The following NPHP1 variants were observed in gnomAD, a reference collection of about 807,000 sequenced individuals.
NPHP1 encodes nephrocystin 1.
A neutral mutation model predicts 90.4 loss-of-function variants in NPHP1; 70 were observed. The ratio of observed to expected loss-of-function variants is 0.77; its 90% CI spans 0.64 to 0.95. The LOEUF is 0.95. NPHP1 is among the 40% of genes least tolerant of loss of function. The pLI is 0.00. For synonymous variants in NPHP1, 256 were observed against 271.7 expected, an observed-to-expected ratio of 0.94 and a Z score of 0.57; for missense variants, 764 against 795.9, an observed-to-expected ratio of 0.96 and a Z score of 0.48.
chr2:110,187,715 A>G (rs1328529557), intron 2 of NPHP1, among the ~76,000 whole-genome samples: 1 of 152,118 alleles, frequency 6.6e-6, no homozygotes, highest in Non-Finnish European at 1.5e-5. Flanking sequence ...TACAGCAAAA[A>G]CAGAAAACTT....
In NPHP1 at chr2:110,191,034, C is replaced by T. The variant is rs185497667; in HGVS notation, c.143+10387G>A. On this transcript the variant is annotated intron_variant, in intron 2 of 19. Transcript: ENST00000445609. The stretch of plus-strand genomic sequence containing the variant: ...TGCAGAGAAAAAGGAACACTTGGGG[C>T]GGTTCCAAGATGGCCAAATACGAAC... Among the ~76,000 whole-genome samples the T allele has an allele frequency of 5.1e-4, 78 of 152,120 alleles. 1 individual carries two copies. Among genetic ancestry groups the T allele is most frequent in the African/African-American group, 1.7e-3 (72 of 41,516 alleles).
At chr2:110,180,950 C>T (rs1013707326) in intron 2 of NPHP1, among the ~76,000 whole-genome samples, 1 of 152,166 alleles carries the variant, frequency 6.6e-6, no homozygotes, top group African/African-American at 2.4e-5. Context: ...ACTCTGGCCC[C>T]AAGATCCCCA....
intron 15 of NPHP1, 147 bp from the exon 16 acceptor site, chr2:110,143,788 G>A (rs899705891): frequency 1.5e-6 from 1 of 658,744 alleles, no homozygotes; most frequent in Non-Finnish European, 2.7e-6. Flanking sequence ...TAAATGAGCT[G>A]AGAGACCTCC....
intron 16 of NPHP1, among the ~76,000 whole-genome samples, chr2:110,136,592 A>G (rs1680222132): frequency 6.6e-6 from 1 of 152,116 alleles, no homozygotes; most frequent in Non-Finnish European, 1.5e-5. Context: ...AAGAGAATAA[A>G]ATACCTAGGA....
chr2:110,161,608 C>T lies in NPHP1; in HGVS notation c.949G>A (p.Gly317Ser), dbSNP rs1212929849. The T allele has an allele frequency of 2.5e-6, 4 of 1,602,100 alleles. No individual in the cohort carries two copies. The highest frequency in any genetic ancestry group is 1.3e-5 in the African/African-American group (1 of 74,712). The change falls in exon 10 of 20, where the codon GGC becomes AGC. Residue 317 changes from glycine (G) to serine (S), a missense_variant. By Grantham distance (56) the Gly-to-Ser change is moderately conservative. Coordinates refer to ENST00000445609, the MANE Select transcript of NPHP1 (RefSeq NM_001128178.3). ...FRDLMWDATE[G>S]TIRSRPSRIS... ...CTGATAGTAACTATACTTACAGTGC[C>T]TTCTGTAGCATCCCACATCAGATCT...
intron 2 of NPHP1, among the ~76,000 whole-genome samples, chr2:110,191,441 C>G (rs1684726819): frequency 6.6e-6 from 1 of 152,218 alleles, no homozygotes; most frequent in South Asian, 2.1e-4. Flanking sequence ...TGAGATCAAA[C>G]TGCAAGGCAG....
intron 18 of NPHP1, 120 bp from the exon 19 acceptor site, chr2:110,125,801 T>C (rs1201802239): frequency 3.6e-6 from 3 of 831,034 alleles, no homozygotes; most frequent in South Asian, 1.4e-5. Flanking sequence ...ACAGATTCTA[T>C]ACAAGCAAGA....
chr2:110,203,213 A>T (rs1685688644), intron 1 of NPHP1, among the ~76,000 whole-genome samples: 1 of 151,494 alleles, frequency 6.6e-6, no homozygotes, highest in Non-Finnish European at 1.5e-5. Context: ...TTGAGTACAC[A>T]TGGACATAAA....
chr2:110,145,987 G>GA (rs1274056325), intron 14 of NPHP1, among the ~76,000 whole-genome samples: 3 of 152,146 alleles, frequency 2.0e-5, no homozygotes, highest in African/African-American at 7.2e-5. Flanking sequence ...TTTGGAGTAG[G>GA]AATTATTACA....
intron 9 of NPHP1, 107 bp downstream of exon 9, chr2:110,162,941 A>G: frequency 1.3e-6 from 1 of 759,406 alleles, no homozygotes; most frequent in Admixed American, 2.0e-5. Context: ...AAGAGATGTG[A>G]GATTCAACAT....
intron 18 of NPHP1, chr2:110,128,616 C>G (rs1161296254): frequency 6.4e-6 from 1 of 155,804 alleles, no homozygotes; most frequent in Admixed American, 6.3e-5. Context: ...TCTTCAAGGT[C>G]CTGGGTTATA....
intron 4 of NPHP1, among the ~76,000 whole-genome samples, chr2:110,173,123 TC>T (rs1460060164): frequency 2.0e-5 from 3 of 151,796 alleles, no homozygotes; most frequent in Admixed American, 6.6e-5. Flanking sequence ...CATGCCCAGC[TC>T]ATTTTTGTAT....
Position 110,193,271 on chromosome 2 carries a change from A to G in NPHP1, c.143+8150T>C, listed in dbSNP as rs1684884408. On this transcript the variant is annotated intron_variant, in intron 2 of 19. Coordinates refer to ENST00000445609, the MANE Select transcript of NPHP1 (RefSeq NM_001128178.3). ...TGTATTCAGGAAACCCATCTCATGT[A>G]CAGAGACACACATAGGCTCAAAATA... Among the ~76,000 whole-genome samples the G allele has an allele frequency of 2.0e-5, 3 of 152,248 alleles. No homozygotes were observed. The South Asian group carries it at 6.2e-4, about 32-fold the overall frequency.
intron 6 of NPHP1, among the ~76,000 whole-genome samples, chr2:110,166,972 T>C (rs1682771043): frequency 6.6e-6 from 1 of 152,110 alleles, no homozygotes; most frequent in South Asian, 2.1e-4. Context: ...ACATTGGATT[T>C]TGAACTTAAT....
At chr2:110,171,005 G>A (rs1194356328) in intron 4 of NPHP1, among the ~76,000 whole-genome samples, 1 of 152,072 alleles carries the variant, frequency 6.6e-6, no homozygotes, top group Non-Finnish European at 1.5e-5. Context: ...GGAAGGACAT[G>A]ATATGATTCC....
At chr2:110,179,499 G>A in intron 3 of NPHP1, 125 bp downstream of exon 3, 3 of 601,132 alleles carry the variant, frequency 5.0e-6, no homozygotes, top group South Asian at 3.5e-5. Flanking sequence ...AGCCAGCACT[G>A]GCTGCAGTTA....
chr2:110,166,421 T>C (rs1024681171), intron 6 of NPHP1, among the ~76,000 whole-genome samples: 1 of 152,220 alleles, frequency 6.6e-6, no homozygotes, highest in Non-Finnish European at 1.5e-5. Context: ...TGCAGCTAAC[T>C]GTTGCCAGAG....
Position 110,179,579 on chromosome 2 carries a change from T to C in NPHP1, c.204+45A>G, listed in dbSNP as rs373222935. On this transcript the variant is annotated intron_variant, in intron 3 of 19. Coordinates refer to ENST00000445609, the MANE Select transcript of NPHP1 (RefSeq NM_001128178.3). ...AACTTCCACTTAATAAAAATACTTGTATAGGAAGAGATGTTTTAATAATGT... is the reference window on the plus strand; with the variant it reads ...AACTTCCACTTAATAAAAATACTTGCATAGGAAGAGATGTTTTAATAATGT... The C allele has an allele frequency of 3.4e-4, 306 of 912,034 alleles. 1 individual carries two copies. Among genetic ancestry groups the C allele is most frequent in the Non-Finnish European group, 4.8e-4 (268 of 555,314 alleles). The allele number at this position is 912,034 out of a possible 1,614,324, so 56.5% of individuals were successfully genotyped here. A position where few individuals can be genotyped will look rare whatever the true frequency, so the allele number is the denominator to read the frequency against.
intron 9 of NPHP1, among the ~76,000 whole-genome samples, chr2:110,162,378 A>G (rs1259743217): frequency 6.6e-6 from 1 of 152,162 alleles, no homozygotes; most frequent in Non-Finnish European, 1.5e-5. Flanking sequence ...CTGGGAAGGC[A>G]GAATTTACCG....
Sources: allele counts gnomAD v4.1 joint callset (sites outside exome capture counted in the v4.1 genomes callset), GRCh38; gene constraint gnomAD v4.1.1; transcripts MANE v1.5; gene names NCBI Gene and HGNC (gene_info 2026-07-23, HGNC 2026-07-21).